Variants in GPR137C observed in about 807,000 individuals in gnomAD.
The protein encoded by GPR137C is integral membrane protein GPR137C.
In GPR137C, 27 loss-of-function variants were observed where a neutral mutation model predicts 43.4. The ratio of observed to expected loss-of-function variants is 0.62; its 90% CI spans 0.46 to 0.86. GPR137C has a LOEUF of 0.86. GPR137C is among the 40% of genes least tolerant of loss of function. GPR137C has a pLI of 0.00. For synonymous variants in GPR137C, 285 were observed against 226.9 expected (o/e 1.26, Z -2.30); for missense variants, 522 against 534.6 (o/e 0.98, Z 0.23).
intron 1 of GPR137C, among the ~76,000 whole-genome samples, chr14:52,566,949 T>C (rs771195521): frequency 1.3e-5 from 2 of 152,100 alleles, no homozygotes; most frequent in Non-Finnish European, 2.9e-5. Context: ...CTGACTCTAC[T>C]AAAAATACAA....
At chr14:52,589,422 TCATG>T (rs1196926066) in intron 1 of GPR137C, among the ~76,000 whole-genome samples, 1 of 152,124 alleles carries the variant, frequency 6.6e-6, no homozygotes, top group East Asian at 1.9e-4. Flanking sequence ...ATTAAATAAA[TCATG>T]TATGGGGGGA....
At chr14:52,574,970 A>G (rs2038529043) in intron 1 of GPR137C, among the ~76,000 whole-genome samples, 1 of 152,200 alleles carries the variant, frequency 6.6e-6, no homozygotes, top group South Asian at 2.1e-4. Flanking sequence ...AAAGGACAGC[A>G]TAGTTTCAGC....
At chr14:52,627,508 T>C (rs2039241555) in intron 3 of GPR137C, among the ~76,000 whole-genome samples, 2 of 152,110 alleles carry the variant, frequency 1.3e-5, no homozygotes, top group African/African-American at 4.8e-5. Flanking sequence ...AGAAGACAAG[T>C]TGATTCCAAA....
At chr14:52,592,430 C>A (rs2038796632) in intron 1 of GPR137C, among the ~76,000 whole-genome samples, 1 of 152,138 alleles carries the variant, frequency 6.6e-6, no homozygotes, top group South Asian at 2.1e-4. Flanking sequence ...GCAGTATGGG[C>A]ATTTTCATGA....
At chr14:52,583,654 C>G (rs1463789620) in intron 1 of GPR137C, among the ~76,000 whole-genome samples, 2 of 152,128 alleles carry the variant, frequency 1.3e-5, no homozygotes, top group Non-Finnish European at 2.9e-5. Flanking sequence ...TTATACTTCC[C>G]AATACTACTT....
At chr14:52,563,694 G>C (rs1025383604) in intron 1 of GPR137C, among the ~76,000 whole-genome samples, 1 of 152,032 alleles carries the variant, frequency 6.6e-6, no homozygotes, top group African/African-American at 2.4e-5. Flanking sequence ...CCCCATTTCC[G>C]TGACTAGTAT....
chr14:52,597,114 A>C (rs2038866204), intron 1 of GPR137C: 1 of 380,000 alleles, frequency 2.6e-6, no homozygotes, highest in Non-Finnish European at 5.4e-6. Context: ...ACACCAATTT[A>C]CTCTTCATAA....
intron 1 of GPR137C, among the ~76,000 whole-genome samples, chr14:52,554,514 G>A (rs2038162422): frequency 6.6e-6 from 1 of 152,000 alleles, no homozygotes. Flanking sequence ...GTCAGCTTGT[G>A]GTATTTAAGC....
chr14:52,624,730 A>AG (rs1050606494), intron 3 of GPR137C, among the ~76,000 whole-genome samples: 1 of 151,740 alleles, frequency 6.6e-6, no homozygotes, highest in African/African-American at 2.4e-5. Context: ...TCTCAAAAAA[A>AG]AAAAAAACTG....
chr14:52,562,036 T>G (rs537431096), intron 1 of GPR137C, among the ~76,000 whole-genome samples: 1 of 152,318 alleles, frequency 6.6e-6, no homozygotes, highest in South Asian at 2.1e-4. Flanking sequence ...GAATAAAAGC[T>G]GAAGCAGGGA....
intron 1 of GPR137C, among the ~76,000 whole-genome samples, chr14:52,596,357 T>G (rs1315931252): frequency 6.6e-6 from 1 of 152,248 alleles, no homozygotes; most frequent in Non-Finnish European, 1.5e-5. Context: ...TCTTCCGAGC[T>G]GTTAGACAGG....
At chr14:52,612,334 C>T (rs559606662) in intron 3 of GPR137C, 1 of 891,974 alleles carries the variant, frequency 1.1e-6, no homozygotes, top group Non-Finnish European at 1.3e-6. Flanking sequence ...TTTAAGGCTG[C>T]ATAACATTTC....
At chr14:52,553,678 G>A in intron 1 of GPR137C, 87 bp downstream of exon 1, 3 of 733,794 alleles carry the variant, frequency 4.1e-6, no homozygotes, top group Non-Finnish European at 6.5e-6. Context: ...CGGGGGCGGG[G>A]GGTGGGCAGC....
intron 1 of GPR137C, among the ~76,000 whole-genome samples, chr14:52,555,412 A>T (rs2038177652): frequency 6.6e-6 from 1 of 152,128 alleles, no homozygotes; most frequent in South Asian, 2.1e-4. Flanking sequence ...GATATAAAGC[A>T]TTTTCCGTGT....
intron 3 of GPR137C, among the ~76,000 whole-genome samples, chr14:52,628,355 C>A (rs2039254482): frequency 6.6e-6 from 1 of 151,890 alleles, no homozygotes; most frequent in Non-Finnish European, 1.5e-5. Context: ...AAAATTAATT[C>A]AAAATGGAAC....
chr14:52,579,233 G>C (rs2038608867), intron 1 of GPR137C, among the ~76,000 whole-genome samples: 1 of 152,130 alleles, frequency 6.6e-6, no homozygotes, highest in African/African-American at 2.4e-5. Flanking sequence ...TTCTCAGTGT[G>C]GTGCTAAACT....
intron 1 of GPR137C, among the ~76,000 whole-genome samples, chr14:52,568,124 G>A (rs2038401444): frequency 6.6e-6 from 1 of 152,138 alleles, no homozygotes; most frequent in Non-Finnish European, 1.5e-5. Flanking sequence ...CATTGGGACT[G>A]GTTAGACAGT....
chr14:52,586,673 T>G (rs1358855948), intron 1 of GPR137C, among the ~76,000 whole-genome samples: 1 of 152,220 alleles, frequency 6.6e-6, no homozygotes, highest in Non-Finnish European at 1.5e-5. Context: ...CTTTTTCCCT[T>G]AAGTGTATTC....
chr14:52,596,245 G>T (rs2038853400), intron 1 of GPR137C, among the ~76,000 whole-genome samples: 1 of 152,180 alleles, frequency 6.6e-6, no homozygotes, highest in Non-Finnish European at 1.5e-5. Context: ...GGCCCCTACT[G>T]GGAGGTGTCT....
Sources: gnomAD v4.1 joint callset for allele counts (sites outside exome capture counted in the v4.1 genomes callset) on GRCh38, gnomAD v4.1.1 for gene constraint, MANE v1.5 for transcripts, NCBI Gene and HGNC (gene_info 2026-07-23, HGNC 2026-07-21) for gene names.